RFX3: variants seen among roughly 807,000 people sequenced by gnomAD.
RFX3 encodes the protein regulatory factor X3.
RFX3 carries 14 observed loss-of-function variants against 98.6 expected under a neutral mutation model. The ratio of observed to expected loss-of-function variants is 0.14; its 90% confidence interval spans 0.09 to 0.22. The LOEUF (loss-of-function observed/expected upper bound fraction) is 0.22, where lower values mean the gene tolerates loss of function less well. Among genes scored for constraint, RFX3 ranks in the 10% least tolerant of loss-of-function variants. The pLI is 1.00. For missense variants in RFX3, 639 were observed against 926.9 expected (o/e 0.69, Z 4.03); for synonymous variants, 383 against 328.4 (o/e 1.17, Z -1.80).
chr9:3,313,593 C>A (rs761550000), intron 4 of RFX3, among the ~76,000 whole-genome samples: 43 of 152,110 alleles, frequency 2.8e-4, no homozygotes, highest in Non-Finnish European at 4.0e-4. Flanking sequence ...GGAGGATGTT[C>A]GAACCCATCA....
intron 1 of RFX3, among the ~76,000 whole-genome samples, chr9:3,458,414 T>C (rs2133009443): frequency 6.6e-6 from 1 of 152,310 alleles, no homozygotes; most frequent in East Asian, 1.9e-4. Context: ...GCACATCCAG[T>C]ATTTGTCTGC....
chr9:3,479,287 C>G (rs757994035), intron 1 of RFX3, among the ~76,000 whole-genome samples: 10 of 152,200 alleles, frequency 6.6e-5, no homozygotes, highest in Non-Finnish European at 1.5e-4. Flanking sequence ...ATAGGCAGCA[C>G]AAATTCACTG....
intron 4 of RFX3, 32 bp from the exon 5 acceptor site, chr9:3,301,652 A>C: frequency 4.1e-6 from 6 of 1,470,896 alleles, no homozygotes; most frequent in Non-Finnish European, 5.7e-6. Flanking sequence ...AAAAGGGCTC[A>C]AGACAAGATA....
intron 1 of RFX3, among the ~76,000 whole-genome samples, chr9:3,470,682 T>A (rs193277884): frequency 6.6e-6 from 1 of 152,164 alleles, no homozygotes; most frequent in Non-Finnish European, 1.5e-5. Context: ...TTCTCTGACA[T>A]GGCTTTACAT....
chr9:3,329,011 T>C (rs1326910519), intron 4 of RFX3, among the ~76,000 whole-genome samples: 7 of 152,168 alleles, frequency 4.6e-5, no homozygotes, highest in African/African-American at 1.4e-4. Flanking sequence ...ATATGCTTAG[T>C]AGAGGTGAAA....
chr9:3,514,480 G>C (rs1013617035), intron 1 of RFX3, among the ~76,000 whole-genome samples: 4 of 150,500 alleles, frequency 2.7e-5, no homozygotes, highest in African/African-American at 9.9e-5. Flanking sequence ...TTGTTTTTTT[G>C]AGACAGGGTT....
At chr9:3,396,740 G>T (rs545643646) in intron 1 of RFX3, among the ~76,000 whole-genome samples, 1 of 152,250 alleles carries the variant, frequency 6.6e-6, no homozygotes, top group East Asian at 1.9e-4. Context: ...ATTCTAACTG[G>T]TGTGAGATGG....
At chr9:3,270,130 A>AGAAAGAAAGGAAG (rs1563833716) in intron 11 of RFX3, among the ~76,000 whole-genome samples, 1 of 107,276 alleles carries the variant, frequency 9.3e-6, no homozygotes, top group Non-Finnish European at 2.2e-5. Flanking sequence ...AAGAAAGGAA[A>AGAAAGAAAGGAAG]GAAAGAAAGA....
chr9:3,456,407 C>G (rs954936234), intron 1 of RFX3, among the ~76,000 whole-genome samples: 2 of 152,172 alleles, frequency 1.3e-5, no homozygotes, highest in Non-Finnish European at 2.9e-5. Flanking sequence ...TTCAGCTAAT[C>G]ATTTCAGATG....
intron 1 of RFX3, among the ~76,000 whole-genome samples, chr9:3,445,156 G>A (rs954963979): frequency 5.3e-5 from 8 of 152,086 alleles, no homozygotes; most frequent in Non-Finnish European, 1.0e-4. Flanking sequence ...TATCTTTCAC[G>A]TAGGGAAAGC....
intron 1 of RFX3, among the ~76,000 whole-genome samples, chr9:3,449,652 G>C (rs907481093): frequency 4.6e-5 from 7 of 152,138 alleles, no homozygotes; most frequent in Admixed American, 1.3e-4. Flanking sequence ...AGGAGTTCAA[G>C]ACCAGCCTGG....
At chr9:3,345,835 T>C (rs185248714) in intron 3 of RFX3, among the ~76,000 whole-genome samples, 1 of 152,166 alleles carries the variant, frequency 6.6e-6, no homozygotes, top group East Asian at 1.9e-4. Flanking sequence ...AACTTATAGG[T>C]TGACATCACG....
intron 1 of RFX3, chr9:3,524,711 T>C (rs766813637): frequency 7.9e-6 from 6 of 758,446 alleles, no homozygotes; most frequent in Non-Finnish European, 9.6e-6. Flanking sequence ...AGGAGGATCA[T>C]CAAAGTGAAA....
At chr9:3,452,282 A>G in intron 1 of RFX3, 1 of 213,598 alleles carries the variant, frequency 4.7e-6, no homozygotes, top group Non-Finnish European at 1.0e-5. Flanking sequence ...TGATGCTCAA[A>G]TGTCATTTTT....
chr9:3,490,176 T>C (rs528070579), intron 1 of RFX3: 1 of 257,116 alleles, frequency 3.9e-6, no homozygotes, highest in African/African-American at 2.3e-5. Context: ...AGAAAATTAC[T>C]ATTGAAAAAA....
At chr9:3,341,779 G>T (rs1563955882) in intron 3 of RFX3, among the ~76,000 whole-genome samples, 1 of 152,152 alleles carries the variant, frequency 6.6e-6, no homozygotes, top group Non-Finnish European at 1.5e-5. Context: ...TACAATTACT[G>T]AAATCTAAAT....
intron 11 of RFX3, among the ~76,000 whole-genome samples, chr9:3,267,280 G>T (rs1823773857): frequency 6.6e-6 from 1 of 151,876 alleles, no homozygotes; most frequent in Non-Finnish European, 1.5e-5. Flanking sequence ...AACCTTTGTA[G>T]GTTCTCTATA....
rs1422750354 is a variant in RFX3, at chr9:3,288,150, G to T, written c.832C>A (p.Pro278Thr). 6.2e-7 allele frequency: 1 copy of T among 1,612,770 alleles called. No individual in the cohort carries two copies. Among genetic ancestry groups the T allele is most frequent in the Admixed American group, 1.7e-5 (1 of 59,960 alleles). The change falls in exon 7 of 17, where the codon CCC becomes ACC. Residue 278 changes from proline (P) to threonine (T), a missense_variant. Around this residue, in one of 9 missense-constraint regions of RFX3, gnomAD observed 86 missense variants for 113.2 expected, o/e 0.76. Coordinates refer to ENST00000617270, the MANE Select transcript of RFX3 (RefSeq NM_001282116.2). ...GTCTACCTTTGTTTCTGTTGCATGGGTTGTTGTCTCATAGCCATATACTGC... is the reference window on the plus strand; with the variant it reads ...GTCTACCTTTGTTTCTGTTGCATGGTTTGTTGTCTCATAGCCATATACTGC... ...DMQYMAMRQQ[P>T]MQQKQRYKPM...
At chr9:3,326,637 C>T (rs1033177752) in intron 4 of RFX3, among the ~76,000 whole-genome samples, 1 of 152,094 alleles carries the variant, frequency 6.6e-6, no homozygotes, top group African/African-American at 2.4e-5. Context: ...CCTCCAGCAC[C>T]ATCCATGTTC....
Sources: allele counts gnomAD v4.1 joint callset (sites outside exome capture counted in the v4.1 genomes callset), GRCh38; gene constraint gnomAD v4.1.1; regional missense constraint gnomAD v4.1.1; transcripts MANE v1.5; gene names NCBI Gene and HGNC (gene_info 2026-07-23, HGNC 2026-07-21).